Variants in FRMPD4 observed in about 807,000 individuals in gnomAD.
The protein encoded by FRMPD4 is FERM and PDZ domain-containing protein 4.
FRMPD4 carries 22 observed loss-of-function variants against 94.1 expected under a neutral mutation model. The ratio of observed to expected loss-of-function variants is 0.23; its 90% CI spans 0.17 to 0.33. The LOEUF is 0.33. FRMPD4 is among the 10% of genes least tolerant of loss of function. The pLI is 1.00. For missense variants in FRMPD4, 1,111 were observed against 1,339.9 expected, an observed-to-expected ratio of 0.83 and a Z score of 2.67; for synonymous variants, 631 against 548.6, an observed-to-expected ratio of 1.15 and a Z score of -2.10.
intron 3 of FRMPD4, among the ~76,000 whole-genome samples, chrX:12,098,468 G>A (rs1291032827): frequency 8.9e-6 from 1 of 112,096 alleles, no homozygotes; most frequent in Non-Finnish European, 1.9e-5. Flanking sequence ...GGCTATGAGT[G>A]GCCTCGTGGT....
chrX:12,156,589 T>C (rs1047833042), intron 1 of FRMPD4, among the ~76,000 whole-genome samples: 1 of 112,320 alleles, frequency 8.9e-6, no homozygotes, highest in Non-Finnish European at 1.9e-5. Context: ...TTCCATATAC[T>C]GCAGAATTTG....
chrX:12,280,086 C>G (rs2054500148), intron 1 of FRMPD4, among the ~76,000 whole-genome samples: 2 of 110,456 alleles, frequency 1.8e-5, no homozygotes, highest in Non-Finnish European at 3.8e-5. Context: ...CGCACATGCA[C>G]ACACGTGTAT....
intron 1 of FRMPD4, among the ~76,000 whole-genome samples, chrX:12,306,729 G>A (rs2054947465): frequency 8.9e-6 from 1 of 112,169 alleles, no homozygotes; most frequent in South Asian, 3.7e-4. Flanking sequence ...AGTGAGAACA[G>A]CAGTTGACCC....
chrX:11,869,812 G>T (rs1201365108), intron 2 of FRMPD4, among the ~76,000 whole-genome samples: 2 of 110,887 alleles, frequency 1.8e-5, no homozygotes, highest in African/African-American at 3.3e-5. Flanking sequence ...TTCTTGTTTT[G>T]GTTTAAATTA....
intron 1 of FRMPD4, among the ~76,000 whole-genome samples, chrX:12,339,813 C>T (rs2055583703): frequency 9.0e-6 from 1 of 111,373 alleles, no homozygotes. Flanking sequence ...GACAGGGTTT[C>T]ACCATATTGG....
At chrX:12,609,672 T>G (rs2059161941) in intron 2 of FRMPD4, 49 bp from the exon 3 acceptor site, 4 of 1,065,690 alleles carry the variant, frequency 3.8e-6, no homozygotes, top group Non-Finnish European at 5.2e-6. Context: ...GGCCAATGCC[T>G]AAGACATACA....
At chrX:12,130,778 A>G (rs1076178) in intron 3 of FRMPD4, among the ~76,000 whole-genome samples, 22,839 of 109,914 alleles carry the variant, frequency 0.21, 1,719 homozygotes, top group South Asian at 0.38. Flanking sequence ...TTGTCTAGTC[A>G]GGGGGCCAAG....
intron 1 of FRMPD4, among the ~76,000 whole-genome samples, chrX:11,858,446 A>C (rs2053665697): frequency 9.0e-6 from 1 of 111,385 alleles, no homozygotes; most frequent in Non-Finnish European, 1.9e-5. Context: ...GCAAACTAAC[A>C]CAGGAACAGA....
intron 1 of FRMPD4, among the ~76,000 whole-genome samples, chrX:12,159,176 G>A (rs1490062690): frequency 8.9e-6 from 1 of 112,237 alleles, no homozygotes; most frequent in Admixed American, 9.4e-5. Context: ...TCCAAGGAGT[G>A]GCACAGGGAC....
At chrX:12,465,042 C>G (rs1187671839) in intron 1 of FRMPD4, among the ~76,000 whole-genome samples, 1 of 111,992 alleles carries the variant, frequency 8.9e-6, no homozygotes, top group African/African-American at 3.2e-5. Flanking sequence ...AGGTAATAAC[C>G]ACTTATTTCT....
At chrX:11,975,416 G>T (rs1366865720) in intron 3 of FRMPD4, among the ~76,000 whole-genome samples, 2 of 112,039 alleles carry the variant, frequency 1.8e-5, no homozygotes, top group Non-Finnish European at 3.8e-5. Context: ...TGGCAGGATT[G>T]TTCAAAAAGT....
At chrX:12,095,868 C>G (rs989218156) in intron 3 of FRMPD4, among the ~76,000 whole-genome samples, 6 of 112,282 alleles carry the variant, frequency 5.3e-5, no homozygotes, top group Admixed American at 1.9e-4. Context: ...ATTCTCAGAC[C>G]TCTCTGTTGT....
intron 3 of FRMPD4, among the ~76,000 whole-genome samples, chrX:11,967,272 ATATCT>A (rs1420270356): frequency 9.0e-6 from 1 of 111,417 alleles, no homozygotes; most frequent in South Asian, 3.8e-4. Flanking sequence ...CCATGTAAAC[ATATCT>A]TATCCATGTT....
intron 3 of FRMPD4, among the ~76,000 whole-genome samples, chrX:11,989,372 G>A (rs1350160475): frequency 4.5e-5 from 5 of 111,190 alleles, no homozygotes; most frequent in Non-Finnish European, 9.5e-5. Context: ...AGTGAAATAA[G>A]CCAGGCACAG....
chrX:12,285,751 C>T (rs2054591164), intron 1 of FRMPD4, among the ~76,000 whole-genome samples: 1 of 112,065 alleles, frequency 8.9e-6, no homozygotes, highest in South Asian at 3.7e-4. Context: ...GAAGCATTTT[C>T]CTCTGACATG....
At chrX:12,583,537 T>G in intron 2 of FRMPD4, 1 of 1,020,720 alleles carries the variant, frequency 9.8e-7, no homozygotes, top group Non-Finnish European at 1.4e-6. Flanking sequence ...ATTATGATCC[T>G]CATAACCAAA....
At chrX:11,985,595 T>G (rs1264800929) in intron 3 of FRMPD4, among the ~76,000 whole-genome samples, 1 of 112,307 alleles carries the variant, frequency 8.9e-6, no homozygotes, top group Non-Finnish European at 1.9e-5. Context: ...TGGGCTCTTG[T>G]GGTCCCTGAG....
At chrX:12,130,709 G>T (rs1056023977) in intron 3 of FRMPD4, among the ~76,000 whole-genome samples, 1 of 110,489 alleles carries the variant, frequency 9.1e-6, no homozygotes, top group East Asian at 2.8e-4. Context: ...AGTCTTCAAG[G>T]CTAGAGCAAT....
At position 12,436,508 on chromosome X, in the gene FRMPD4, T is replaced by G. The variant is rs1338410000; in HGVS notation, c.42-62172T>G. 2.7e-5 allele frequency among the ~76,000 whole-genome samples: 3 copies of G among 111,597 alleles called. No individual in the cohort carries two copies. The Admixed American group carries it at 2.9e-4, about 11-fold the overall frequency. ...TCTTCTTCTTGCTTCATTTGGCATT[T>G]TCCAGCTTTTAAAGCTAATCAATTA... On this transcript the variant is annotated intron_variant, in intron 1 of 16. Coordinates refer to ENST00000675598, the MANE Select transcript of FRMPD4 (RefSeq NM_001368397.1).
Sources: gnomAD v4.1 joint callset for allele counts (sites outside exome capture counted in the v4.1 genomes callset) on GRCh38, gnomAD v4.1.1 for gene constraint, MANE v1.5 for transcripts, NCBI Gene and HGNC (gene_info 2026-07-23, HGNC 2026-07-21) for gene names.